Variants in ALDH1A1 observed in about 807,000 individuals in gnomAD.
ALDH1A1 encodes the protein aldehyde dehydrogenase 1A1.
Under a neutral mutation model 62.1 loss-of-function variants are expected in ALDH1A1, and 19 were observed. The observed-to-expected ratio is 0.31, with a 90% CI of 0.21 to 0.45. ALDH1A1 has a LOEUF of 0.45. Ranked by LOEUF, ALDH1A1 falls within the 20% of genes least tolerant of loss-of-function variation. ALDH1A1 has a pLI of 1.00. For missense variants in ALDH1A1, 521 were observed against 607.1 expected, an observed-to-expected ratio of 0.86 and a Z score of 1.49; for synonymous variants, 231 against 215.9, an observed-to-expected ratio of 1.07 and a Z score of -0.61.
intron 2 of ALDH1A1, among the ~76,000 whole-genome samples, chr9:72,935,091 A>G (rs958702850): frequency 6.6e-6 from 1 of 152,186 alleles, no homozygotes; most frequent in African/African-American, 2.4e-5. Context: ...AATTAATTTA[A>G]CTACATTGGC....
chr9:72,936,375 G>C (rs574839071), intron 2 of ALDH1A1, among the ~76,000 whole-genome samples: 1 of 152,142 alleles, frequency 6.6e-6, no homozygotes, highest in East Asian at 1.9e-4. Flanking sequence ...GATGTTCAAG[G>C]CTCCAGAACT....
intron 9 of ALDH1A1, among the ~76,000 whole-genome samples, chr9:72,915,391 T>G (rs1830049108): frequency 6.6e-6 from 1 of 152,086 alleles, no homozygotes; most frequent in Non-Finnish European, 1.5e-5. Context: ...CAATCAATCA[T>G]CCATCAATCC....
At chr9:72,950,487 C>T (rs543790504) in intron 1 of ALDH1A1, among the ~76,000 whole-genome samples, 2 of 151,952 alleles carry the variant, frequency 1.3e-5, no homozygotes, top group East Asian at 3.9e-4. Context: ...GAAAGCATTT[C>T]TTAAACTCTG....
intron 7 of ALDH1A1, 117 bp from the exon 8 acceptor site, chr9:72,918,939 A>C: frequency 1.5e-6 from 1 of 681,116 alleles, no homozygotes; most frequent in Non-Finnish European, 2.4e-6. Flanking sequence ...TGGGAGAAAC[A>C]CCAAATGGCT....
At chr9:72,908,592 A>AAAG (rs1829929997) in intron 11 of ALDH1A1, among the ~76,000 whole-genome samples, 2 of 146,818 alleles carry the variant, frequency 1.4e-5, no homozygotes, top group African/African-American at 5.1e-5. Context: ...AGAAAGAAAG[A>AAAG]AAGAAAGAAA....
chr9:72,907,551 C>T (rs1163725438), intron 11 of ALDH1A1, among the ~76,000 whole-genome samples: 1 of 152,148 alleles, frequency 6.6e-6, no homozygotes, highest in Admixed American at 6.6e-5. Flanking sequence ...TTAAAAAGTG[C>T]AGAGAGTAAA....
intron 1 of ALDH1A1, among the ~76,000 whole-genome samples, chr9:72,943,161 T>C (rs1455711530): frequency 6.6e-6 from 1 of 152,088 alleles, no homozygotes; most frequent in Non-Finnish European, 1.5e-5. Context: ...ATCCAGAATT[T>C]CACCCTTCTA....
chr9:72,944,646 G>T (rs1011407838), intron 1 of ALDH1A1, among the ~76,000 whole-genome samples: 1 of 151,908 alleles, frequency 6.6e-6, no homozygotes, highest in African/African-American at 2.4e-5. Context: ...TTTACATTAG[G>T]CTTGTTTAAT....
intron 8 of ALDH1A1, among the ~76,000 whole-genome samples, chr9:72,917,419 T>A (rs1588134650): frequency 6.6e-6 from 1 of 152,046 alleles, no homozygotes; most frequent in African/African-American, 2.4e-5. Context: ...ATATCTCCAA[T>A]TATATAATTA....
At chr9:72,915,691 C>T (rs1374296332) in intron 9 of ALDH1A1, among the ~76,000 whole-genome samples, 1 of 152,150 alleles carries the variant, frequency 6.6e-6, no homozygotes, top group Non-Finnish European at 1.5e-5. Flanking sequence ...TGCCTAAGTC[C>T]TAAGATTTTC....
At chr9:72,910,116 C>T (rs1358523845) in intron 10 of ALDH1A1, among the ~76,000 whole-genome samples, 3 of 152,126 alleles carry the variant, frequency 2.0e-5, no homozygotes, top group Non-Finnish European at 4.4e-5. Context: ...TTTTTCTTAT[C>T]TTCCAAGTCA....
intron 1 of ALDH1A1, among the ~76,000 whole-genome samples, chr9:72,946,748 C>A (rs369666808): frequency 6.6e-6 from 1 of 151,844 alleles, no homozygotes; most frequent in Non-Finnish European, 1.5e-5. Context: ...AAGTGCACCC[C>A]CCCACACCAC....
chr9:72,909,876 T>C (rs577696840), intron 10 of ALDH1A1, 117 bp from the exon 11 acceptor site: 1 of 835,754 alleles, frequency 1.2e-6, no homozygotes, highest in East Asian at 2.9e-5. Context: ...TTGCTTCTCA[T>C]CTCAAACCTA....
chr9:72,948,048 C>T (rs1830494888), intron 1 of ALDH1A1, among the ~76,000 whole-genome samples: 1 of 151,952 alleles, frequency 6.6e-6, no homozygotes, highest in Non-Finnish European at 1.5e-5. Flanking sequence ...ACTTAATTCT[C>T]ACAGCCACTT....
At chr9:72,949,564 T>A (rs1830513420) in intron 1 of ALDH1A1, among the ~76,000 whole-genome samples, 1 of 151,772 alleles carries the variant, frequency 6.6e-6, no homozygotes, top group South Asian at 2.1e-4. Flanking sequence ...ATAGGGTTAT[T>A]ATGAGGAGTA....
At chr9:72,939,045 C>A (rs1329965132) in intron 2 of ALDH1A1, among the ~76,000 whole-genome samples, 1 of 151,954 alleles carries the variant, frequency 6.6e-6, no homozygotes, top group East Asian at 1.9e-4. Context: ...GCCCGGCCAA[C>A]CCTATCTTAC....
chr9:72,935,200 T>G (rs1364019947), intron 2 of ALDH1A1, among the ~76,000 whole-genome samples: 1 of 152,184 alleles, frequency 6.6e-6, no homozygotes, highest in Admixed American at 6.5e-5. Flanking sequence ...TTTTCTTAAT[T>G]CCAGGACTAG....
intron 2 of ALDH1A1, 70 bp from the exon 3 acceptor site, chr9:72,931,089 C>T: frequency 6.3e-7 from 1 of 1,575,388 alleles, no homozygotes; most frequent in East Asian, 2.2e-5. Context: ...GCCAATAACC[C>T]TGTAAAATAG....
At chr9:72,902,501 G>A (rs1369672301) in intron 12 of ALDH1A1, among the ~76,000 whole-genome samples, 2 of 152,098 alleles carry the variant, frequency 1.3e-5, no homozygotes, top group Non-Finnish European at 2.9e-5. Context: ...GCTTCAGTGA[G>A]CATGGTCCTT....
Sources: allele counts gnomAD v4.1 joint callset (sites outside exome capture counted in the v4.1 genomes callset), GRCh38; gene constraint gnomAD v4.1.1; transcripts MANE v1.5; gene names NCBI Gene and HGNC (gene_info 2026-07-23, HGNC 2026-07-21).